ULK4: variants seen among roughly 807,000 people sequenced by gnomAD.
The protein encoded by ULK4 is unc-51 like kinase 4.
In ULK4, 133 loss-of-function variants were observed where a neutral mutation model predicts 160.6. The ratio of observed to expected loss-of-function variants is 0.83; its 90% CI spans 0.72 to 0.96. The LOEUF is 0.96. Among genes scored for constraint, ULK4 ranks in the 40% least tolerant of loss-of-function variants. The pLI is 0.00. For missense variants in ULK4, 1,580 were observed against 1,499.5 expected (o/e 1.05, Z -0.89); for synonymous variants, 534 against 539.8 (o/e 0.99, Z 0.15).
chr3:41,419,910 C>T (rs1158036713), intron 34 of ULK4, among the ~76,000 whole-genome samples: 1 of 151,710 alleles, frequency 6.6e-6, no homozygotes, highest in African/African-American at 2.4e-5. Context: ...CCACTGTGAC[C>T]CCTCACAGGG....
intron 35 of ULK4, among the ~76,000 whole-genome samples, chr3:41,384,684 A>G (rs1402185514): frequency 2.0e-5 from 3 of 152,070 alleles, no homozygotes; most frequent in African/African-American, 4.8e-5. Flanking sequence ...TCCCAGGTAC[A>G]AGCGATTCTC....
chr3:41,368,760 T>C (rs1006369433), intron 35 of ULK4, among the ~76,000 whole-genome samples: 2 of 152,260 alleles, frequency 1.3e-5, no homozygotes, highest in African/African-American at 2.4e-5. Flanking sequence ...TTTTATGGTA[T>C]ACCACATTTT....
At chr3:41,455,631 G>T in intron 33 of ULK4, 36 bp from the exon 34 acceptor site, 3 of 1,604,196 alleles carry the variant, frequency 1.9e-6, no homozygotes, top group Non-Finnish European at 2.6e-6. Flanking sequence ...AGACGGTCTT[G>T]GTGATTAGTC....
chr3:41,256,288 A>T, intron 35 of ULK4, among the ~76,000 whole-genome samples: 1 of 152,236 alleles, frequency 6.6e-6, no homozygotes, highest in East Asian at 1.9e-4. Context: ...AGGTAAAATA[A>T]TTTTGAAAAA....
At chr3:41,559,938 T>C (rs919461864) in intron 32 of ULK4, among the ~76,000 whole-genome samples, 2 of 152,234 alleles carry the variant, frequency 1.3e-5, no homozygotes, top group Admixed American at 6.5e-5. Context: ...ATGAAGCCCT[T>C]GCCCATGCCT....
At chr3:41,607,905 T>C (rs567291262) in intron 31 of ULK4, among the ~76,000 whole-genome samples, 81 of 152,322 alleles carry the variant, frequency 5.3e-4, no homozygotes, top group African/African-American at 1.8e-3. Context: ...GGTCCCATTT[T>C]TGACAAAAGA....
chr3:41,919,036 T>C (rs1699076128), intron 6 of ULK4, among the ~76,000 whole-genome samples: 1 of 152,194 alleles, frequency 6.6e-6, no homozygotes, highest in South Asian at 2.1e-4. Context: ...TACTTCAAAA[T>C]GTATTATCAT....
intron 17 of ULK4, among the ~76,000 whole-genome samples, chr3:41,865,973 A>G (rs1248075738): frequency 6.6e-6 from 1 of 152,230 alleles, no homozygotes; most frequent in East Asian, 1.9e-4. Context: ...CCATAAAATA[A>G]AAAGACAAGC....
intron 34 of ULK4, among the ~76,000 whole-genome samples, chr3:41,446,065 G>A (rs1240882940): frequency 6.6e-6 from 1 of 152,052 alleles, no homozygotes; most frequent in African/African-American, 2.4e-5. Context: ...GTGGGAGAAG[G>A]ATATGAACAG....
chr3:41,524,278 G>A (rs2086033894), intron 32 of ULK4, among the ~76,000 whole-genome samples: 1 of 152,166 alleles, frequency 6.6e-6, no homozygotes. Flanking sequence ...TCTCACTATA[G>A]CTATTTTTTA....
At chr3:41,832,208 T>C (rs538390218) in intron 18 of ULK4, among the ~76,000 whole-genome samples, 42 of 152,322 alleles carry the variant, frequency 2.8e-4, no homozygotes, top group African/African-American at 1.0e-3. Context: ...CATTTTTGTT[T>C]CTTGACTTTT....
rs184787143 is a variant in ULK4 at position 41,488,487 on chromosome 3, C to T, written c.3227-25234G>A. ...GAATCAGTTTACTTTTAACTTCATACGCTTCTGCATTAGTTGAATTTTTAT... is the reference window on the plus strand; with the variant it reads ...GAATCAGTTTACTTTTAACTTCATATGCTTCTGCATTAGTTGAATTTTTAT... On this transcript the variant is annotated intron_variant, in intron 32 of 36. Transcript: ENST00000301831. Among the ~76,000 whole-genome samples the T allele has an allele frequency of 2.1e-3, 317 of 152,280 alleles. 1 individual carries two copies. Among genetic ancestry groups the T allele is most frequent in the Admixed American group, 4.6e-3 (70 of 15,294 alleles).
chr3:41,474,766 T>C (rs1386492725), intron 32 of ULK4, among the ~76,000 whole-genome samples: 4 of 119,296 alleles, frequency 3.4e-5, no homozygotes, highest in Non-Finnish European at 7.1e-5. Context: ...ACCAGGGAAA[T>C]AAAAATTAAA....
chr3:41,728,085 G>A (rs989274893), intron 22 of ULK4, among the ~76,000 whole-genome samples: 7 of 152,142 alleles, frequency 4.6e-5, no homozygotes, highest in Admixed American at 4.6e-4. Flanking sequence ...TAACGTTTCG[G>A]TAGCACATGG....
Position 41,961,561 on chromosome 3 carries a change from C to T in ULK4, c.-49+455G>A, listed in dbSNP as rs1450337096. ...CTACGTAGTCACTCACCCCCCCCCCCCCCCCCCCCGCTCCCCAGGCAACTC... is the reference window on the plus strand; with the variant it reads ...CTACGTAGTCACTCACCCCCCCCCCTCCCCCCCCCGCTCCCCAGGCAACTC... On this transcript the variant is annotated intron_variant, in intron 1 of 36. Coordinates refer to ENST00000301831, the MANE Select transcript of ULK4 (RefSeq NM_017886.4). Among the ~76,000 whole-genome samples, 4 of 8,602 alleles carry T rather than the reference C, an allele frequency of 4.7e-4. 1 individual carries two copies. The highest frequency in any genetic ancestry group is 2.5e-3 in the Non-Finnish European group (3 of 1,220). 5.6% of individuals were successfully genotyped at this position (8,602 alleles called of 152,430 possible).
At chr3:41,325,227 C>A (rs575801644) in intron 35 of ULK4, among the ~76,000 whole-genome samples, 3 of 152,020 alleles carry the variant, frequency 2.0e-5, no homozygotes, top group African/African-American at 7.2e-5. Context: ...AGATAACCAC[C>A]CCTTTTCAAA....
At chr3:41,951,655 G>A (rs916655449) in intron 2 of ULK4, among the ~76,000 whole-genome samples, 1 of 152,188 alleles carries the variant, frequency 6.6e-6, no homozygotes. Context: ...GTAAAAGAGA[G>A]AAGTTGGACC....
intron 22 of ULK4, among the ~76,000 whole-genome samples, chr3:41,746,272 C>CAAA (rs34582395): frequency 0.01 from 469 of 45,128 alleles, no homozygotes; most frequent in East Asian, 0.017. Context: ...CTGGAACCCA[C>CAAA]AAAAAAAAAA....
chr3:41,821,781 C>A (rs1231493831), intron 18 of ULK4, among the ~76,000 whole-genome samples: 2 of 152,148 alleles, frequency 1.3e-5, no homozygotes, highest in East Asian at 3.8e-4. Flanking sequence ...TCACCTTCCA[C>A]TAACTCCTCG....
Sources: allele counts gnomAD v4.1 joint callset (sites outside exome capture counted in the v4.1 genomes callset), GRCh38; gene constraint gnomAD v4.1.1; transcripts MANE v1.5; gene names NCBI Gene and HGNC (gene_info 2026-07-23, HGNC 2026-07-21).